The following PARM1 variants were observed in gnomAD, a reference collection of about 807,000 sequenced individuals.
PARM1 encodes prostate androgen-regulated mucin-like protein 1.
Under a neutral mutation model 24.6 loss-of-function variants are expected in PARM1, and 14 were observed. The ratio of observed to expected loss-of-function variants is 0.57; its 90% CI spans 0.38 to 0.89. The LOEUF (loss-of-function observed/expected upper bound fraction) is 0.89, where lower values mean the gene tolerates loss of function less well. PARM1 is among the 40% of genes least tolerant of loss of function. The pLI, the probability that PARM1 is intolerant of heterozygous loss-of-function variation, is 0.00. For synonymous variants in PARM1, 179 were observed against 156.6 expected (o/e 1.14, Z -1.07); for missense variants, 362 against 380.4 (o/e 0.95, Z 0.40).
intron 1 of PARM1, chr4:74,957,023 A>G (rs1303482389): frequency 2.6e-5 from 4 of 152,236 alleles, no homozygotes; most frequent in Admixed American, 2.0e-4. Context: ...TGTGCCAAGA[A>G]CTTGGGTTTG....
In PARM1 at chr4:75,032,767, C is replaced by T. The variant is rs921347843; in HGVS notation, c.770-1116C>T. Among the ~76,000 whole-genome samples, 7 of 152,300 alleles carry T rather than the reference C, an allele frequency of 4.6e-5. No individual in the cohort carries two copies. The East Asian group carries it at 1.3e-3, about 29-fold the overall frequency. On this transcript the variant is annotated intron_variant, in intron 2 of 3. Transcript: ENST00000307428. The stretch of plus-strand genomic sequence containing the variant: ...CTAATGGTTGAACCACACTCGAATC[C>T]ACATATTCAGACTCCACATCTCTGG...
At chr4:74,945,671 A>T (rs761962981) in intron 1 of PARM1, among the ~76,000 whole-genome samples, 2 of 152,182 alleles carry the variant, frequency 1.3e-5, no homozygotes, top group Non-Finnish European at 2.9e-5. Flanking sequence ...AGTTTTTTAG[A>T]TCTCCTCTCT....
At chr4:74,950,762 TTATC>T (rs1443140406) in intron 1 of PARM1, among the ~76,000 whole-genome samples, 4 of 152,178 alleles carry the variant, frequency 2.6e-5, no homozygotes, top group East Asian at 1.9e-4. Context: ...GTTTCCTTAT[TTATC>T]TACGTATTTA....
intron 1 of PARM1, among the ~76,000 whole-genome samples, chr4:74,951,331 TG>T (rs1161301957): frequency 6.6e-6 from 1 of 152,232 alleles, no homozygotes; most frequent in African/African-American, 2.4e-5. Context: ...AGCAAAAAGT[TG>T]CAGGAGATGA....
In PARM1 at chr4:75,009,748, C is replaced by T. The variant is rs193134491; in HGVS notation, c.44-2677C>T. On this transcript the variant is annotated intron_variant, in intron 1 of 3. Coordinates refer to ENST00000307428, the MANE Select transcript of PARM1 (RefSeq NM_015393.4). Reference sequence around the variant, plus strand: ...TTTTCTACTCTTTCTTCCTTTCTCCCGCAAGTCCTTATTAAGCACTTACCT... The same window carrying T: ...TTTTCTACTCTTTCTTCCTTTCTCCTGCAAGTCCTTATTAAGCACTTACCT... 2.7e-3 allele frequency among the ~76,000 whole-genome samples: 406 copies of T among 152,194 alleles called. 5 individuals are homozygous for T. Among genetic ancestry groups the T allele is most frequent in the African/African-American group, 8.5e-3 (352 of 41,518 alleles).
chr4:75,024,456 AT>A (rs1247588031), intron 2 of PARM1, among the ~76,000 whole-genome samples: 1 of 152,140 alleles, frequency 6.6e-6, no homozygotes. Context: ...ATATTCTGTG[AT>A]TAAAAAAGAT....
intron 1 of PARM1, among the ~76,000 whole-genome samples, chr4:75,008,778 G>A (rs1240493395): frequency 1.3e-5 from 2 of 152,196 alleles, no homozygotes; most frequent in Non-Finnish European, 2.9e-5. Context: ...ATGAATGAAT[G>A]AATGAATTGG....
intron 1 of PARM1, among the ~76,000 whole-genome samples, chr4:74,975,499 C>T (rs1262099037): frequency 6.6e-6 from 1 of 152,176 alleles, no homozygotes; most frequent in African/African-American, 2.4e-5. Context: ...TAGGTTTTGG[C>T]ATTTGCCAGA....
At position 75,012,465 on chromosome 4, in the gene PARM1, T is replaced by G. The variant is rs1231676004; in HGVS notation, c.84T>G (p.Ser28=). The G allele has an allele frequency of 1.2e-6, 2 of 1,613,928 alleles. No individual in the cohort carries two copies. Among genetic ancestry groups the G allele is most frequent in the Non-Finnish European group, 1.7e-6 (2 of 1,179,862 alleles). Reference sequence around the variant, plus strand: ...GTCTGCCTACATCAGCTCCTTTGTCTGTTTCTCTTCCGACAAACATTGTAC... The same window carrying G: ...GTCTGCCTACATCAGCTCCTTTGTCGGTTTCTCTTCCGACAAACATTGTAC... ...VQSLPTSAPL[S]VSLPTNIVPP... The change falls in exon 2 of 4, where the codon TCT becomes TCG. Residue 28 remains serine (S), a synonymous_variant. Transcript: ENST00000307428.
At chr4:74,945,131 C>T (rs1721386110) in intron 1 of PARM1, among the ~76,000 whole-genome samples, 1 of 152,024 alleles carries the variant, frequency 6.6e-6, no homozygotes, top group Non-Finnish European at 1.5e-5. Context: ...TATATTGTAA[C>T]TTTATATTTC....
At chr4:74,976,835 C>G (rs1722146298) in intron 1 of PARM1, among the ~76,000 whole-genome samples, 1 of 152,090 alleles carries the variant, frequency 6.6e-6, no homozygotes, top group African/African-American at 2.4e-5. Flanking sequence ...TGGAGTGGAC[C>G]CCCAGAAAAC....
chr4:74,967,099 CA>C (rs1053920803), intron 1 of PARM1: 13 of 152,072 alleles, frequency 8.5e-5, no homozygotes, highest in African/African-American at 2.9e-4. Flanking sequence ...ATAGATCTGC[CA>C]ATTTAGGTAT....
intron 1 of PARM1, among the ~76,000 whole-genome samples, chr4:74,943,909 A>G (rs907788291): frequency 2.0e-5 from 3 of 152,252 alleles, no homozygotes; most frequent in Non-Finnish European, 2.9e-5. Flanking sequence ...CAGAATGGGC[A>G]TTTCCTTGAC....
At position 75,033,945 on chromosome 4, in the gene PARM1, G is replaced by T. The variant is rs373343455; in HGVS notation, c.832G>T (p.Ala278Ser). ...GGTGCTGCTGGTGTTTGGAGTTGCAGCCTACCTAAAAATCAGGTGAGACGC... is the reference window on the plus strand; with the variant it reads ...GGTGCTGCTGGTGTTTGGAGTTGCATCCTACCTAAAAATCAGGTGAGACGC... ...AVVLLVFGVA[A>S]YLKIRHSSYG... The change falls in exon 3 of 4, where the codon GCC becomes TCC. Residue 278 changes from alanine (A) to serine (S), a missense_variant. By Grantham distance (99) the Ala-to-Ser change is moderately conservative (BLOSUM62 1). Transcript: ENST00000307428. The T allele has an allele frequency of 8.1e-6, 13 of 1,601,616 alleles. No homozygotes were observed. Among genetic ancestry groups the T allele is most frequent in the South Asian group, 1.1e-5 (1 of 88,236 alleles).
chr4:74,983,648 A>T (rs1578039042), intron 1 of PARM1, among the ~76,000 whole-genome samples: 1 of 152,182 alleles, frequency 6.6e-6, no homozygotes, highest in African/African-American at 2.4e-5. Flanking sequence ...ATGTACTTTT[A>T]TCCATTACTT....
intron 1 of PARM1, among the ~76,000 whole-genome samples, chr4:74,985,904 G>T (rs1222600018): frequency 6.6e-6 from 1 of 152,060 alleles, no homozygotes; most frequent in South Asian, 2.1e-4. Context: ...GAGTAGCTGG[G>T]ACTACAGGTG....
intron 2 of PARM1, among the ~76,000 whole-genome samples, chr4:75,033,116 C>G (rs1262832835): frequency 6.6e-6 from 1 of 152,108 alleles, no homozygotes; most frequent in African/African-American, 2.4e-5. Flanking sequence ...GCTTTTGGAA[C>G]CAGATTTCAA....
At chr4:74,944,086 C>CT (rs1257093870) in intron 1 of PARM1, among the ~76,000 whole-genome samples, 1 of 152,182 alleles carries the variant, frequency 6.6e-6, no homozygotes, top group Non-Finnish European at 1.5e-5. Context: ...GCTGACACCT[C>CT]TTGATGTGGC....
chr4:74,954,470 C>T (rs913651714), intron 1 of PARM1, among the ~76,000 whole-genome samples: 5 of 152,198 alleles, frequency 3.3e-5, no homozygotes, highest in African/African-American at 1.2e-4. Context: ...TTTCTAACAA[C>T]GTAAACTTGA....
Sources: gnomAD v4.1 joint callset for allele counts (sites outside exome capture counted in the v4.1 genomes callset) on GRCh38, gnomAD v4.1.1 for gene constraint, MANE v1.5 for transcripts, NCBI Gene and HGNC (gene_info 2026-07-23, HGNC 2026-07-21) for gene names.